Variants in TPRX1 observed in about 807,000 individuals in gnomAD.
TPRX1 encodes the protein tetrapeptide repeat homeobox 1.
A neutral mutation model predicts 8.1 loss-of-function variants in TPRX1; 2 were observed. The observed-to-expected ratio is 0.25, with a 90% CI of 0.10 to 0.78. TPRX1 has a LOEUF of 0.78. Among genes scored for constraint, TPRX1 ranks in the 30% least tolerant of loss-of-function variants. The pLI, the probability that TPRX1 is intolerant of heterozygous loss-of-function variation, is 0.70. For synonymous variants in TPRX1, 257 were observed against 254.1 expected (o/e 1.01, Z -0.11); for missense variants, 517 against 586.9 (o/e 0.88, Z 1.23).
intron 2 of TPRX1, among the ~76,000 whole-genome samples, chr19:47,815,129 T>TATGCAA (rs1555800032): frequency 8.8e-5 from 9 of 101,752 alleles, no homozygotes; most frequent in African/African-American, 3.2e-4. Flanking sequence ...TATATATATA[T>TATGCAA]ATATATATAT....
chr19:47,812,212 T>G (rs148226009), intron 2 of TPRX1, among the ~76,000 whole-genome samples: 4 of 152,258 alleles, frequency 2.6e-5, no homozygotes, highest in African/African-American at 9.6e-5. Flanking sequence ...TTCAAGGGAC[T>G]GATCTAGGCA....
rs201011037 is a variant in TPRX1 at position 47,802,887 on chromosome 19, G to A, written c.415C>T (p.Arg139Cys). Reference sequence around the variant, plus strand: ...GCTGCAGGGACTAGGGGCGCAGCGCGGGCTCCTCGGCCTCTCTGCCCAGGG... The same window carrying A: ...GCTGCAGGGACTAGGGGCGCAGCGCAGGCTCCTCGGCCTCTCTGCCCAGGG... Residue 139 changes from arginine (R) to cysteine (C), a missense_variant, in exon 4 of 4, where the codon CGC becomes TGC. Transcript: ENST00000535759. 290 of 1,580,422 alleles carry A rather than the reference G, an allele frequency of 1.8e-4. 4 individuals carry two copies. In the South Asian group the frequency reaches 2.0e-3, roughly 11 times the overall value.
chr19:47,807,024 T>C (rs1470500245), intron 2 of TPRX1, among the ~76,000 whole-genome samples: 1 of 151,784 alleles, frequency 6.6e-6, no homozygotes, highest in African/African-American at 2.4e-5. Context: ...CCTGCCTCAG[T>C]CGCCCAAGTA....
chr19:47,809,973 G>A (rs893923650), intron 2 of TPRX1, among the ~76,000 whole-genome samples: 21 of 152,088 alleles, frequency 1.4e-4, no homozygotes, highest in African/African-American at 4.8e-4. Context: ...ATCCATTCTT[G>A]GCCAGACGCA....
exon 4 of TPRX1, chr19:47,801,502 T>C: frequency 2.7e-6 from 1 of 365,994 alleles, no homozygotes; most frequent in Non-Finnish European, 4.9e-6. Flanking sequence ...GGAAAAGCCC[T>C]TTAGAAAGCT....
At chr19:47,806,045 C>T (rs1329089505) in intron 2 of TPRX1, among the ~76,000 whole-genome samples, 4 of 149,104 alleles carry the variant, frequency 2.7e-5, no homozygotes, top group Non-Finnish European at 5.9e-5. Context: ...GCCAACATGG[C>T]GAAACCCTGT....
At position 47,802,576 on chromosome 19, in the gene TPRX1, G is replaced by A. The variant is rs2123710885; in HGVS notation, c.726C>T (p.Ile242=). Residue 242 remains isoleucine, a synonymous_variant, in exon 4 of 4, where the codon ATC becomes ATT. Coordinates refer to ENST00000535759, the Ensembl canonical transcript of TPRX1. ...GGATTGGGCCACGGAATGGGCCTGG[G>A]ATCTGGACTGGGCCTGAAATTGGGC... 4 of 1,550,982 alleles carry A rather than the reference G, an allele frequency of 2.6e-6. No individual in the cohort carries two copies. In the South Asian group the frequency reaches 4.8e-5, roughly 18 times the overall value.
intron 2 of TPRX1, among the ~76,000 whole-genome samples, chr19:47,815,162 A>ATATGCAAATATATATATATATT (rs1360730858): frequency 4.0e-5 from 3 of 74,714 alleles, no homozygotes; most frequent in African/African-American, 1.0e-4. Context: ...ATATATATAT[A>ATATGCAAATATATATATATATT]TTTTTTTTTT....
Position 47,815,315 on chromosome 19 carries a change from C to T in TPRX1, c.151+3153G>A, listed in dbSNP as rs1380362592. Among the ~76,000 whole-genome samples, 15 of 146,130 alleles carry T rather than the reference C, an allele frequency of 1.0e-4. No homozygotes were observed. The East Asian group carries it at 2.7e-3, about 26-fold the overall frequency. On this transcript the variant is annotated intron_variant, in intron 2 of 3. Coordinates refer to ENST00000535759, the Ensembl canonical transcript of TPRX1. ...GATTACAGGCGTGCAACACCATGCC[C>T]GGCTAAGTTTTGTAGTTTTAGTAGA...
intron 3 of TPRX1, 42 bp from the exon 3 acceptor site, chr19:47,803,022 C>T (rs753324626): frequency 6.6e-7 from 1 of 1,509,824 alleles, no homozygotes; most frequent in Non-Finnish European, 8.8e-7. Context: ...GAAGGAGGGG[C>T]TCGCGCGGCC....
chr19:47,809,062 C>CA (rs1373593694), intron 2 of TPRX1, among the ~76,000 whole-genome samples: 3 of 152,056 alleles, frequency 2.0e-5, no homozygotes, highest in Non-Finnish European at 4.4e-5. Flanking sequence ...GTCTTGAACA[C>CA]AGAGACTTTG....
At chr19:47,817,240 G>A (rs1330566078) in intron 2 of TPRX1, among the ~76,000 whole-genome samples, 1 of 152,122 alleles carries the variant, frequency 6.6e-6, no homozygotes, top group Non-Finnish European at 1.5e-5. Flanking sequence ...CTCACACACT[G>A]CATGAACCAC....
chr19:47,802,381 TGGGCCTGGGATC>T (rs781226540), exon 4 of TPRX1: 209,880 of 1,381,982 alleles, frequency 0.15, 15,729 homozygotes, highest in Non-Finnish European at 0.17. Flanking sequence ...GGCCTGAGAT[TGGGCCTGGGATC>T]GGGCCTGGGA....
exon 4 of TPRX1, chr19:47,802,858 A>C: frequency 6.2e-7 from 1 of 1,600,426 alleles, no homozygotes; most frequent in Non-Finnish European, 8.5e-7. Context: ...GTGCGGAGGC[A>C]GAGGCTGCAG....
chr19:47,815,125 T>TATATATATATATGCAA lies in TPRX1; in HGVS notation c.151+3342_151+3343insTTGCATATATATATAT, dbSNP rs1555800014. Among the ~76,000 whole-genome samples the TATATATATATATGCAA allele has an allele frequency of 1.3e-3, 125 of 97,412 alleles. 1 individual carries two copies. The highest frequency in any genetic ancestry group is 6.6e-3 in the Middle Eastern group (1 of 152). 63.9% of individuals were successfully genotyped at this position (97,412 alleles called of 152,430 possible). The stretch of plus-strand genomic sequence containing the variant: ...AATAAATAGATAAATTATATATATA[T>TATATATATATATGCAA]ATATATATATATATATATGCAAATA... On this transcript the variant is annotated intron_variant, in intron 2 of 3. Transcript: ENST00000535759.
intron 2 of TPRX1, among the ~76,000 whole-genome samples, chr19:47,816,784 G>A (rs138659510): frequency 0.022 from 3,332 of 151,990 alleles, 71 homozygotes; most frequent in Middle Eastern, 0.065. Context: ...TGCCCGCCTT[G>A]GCCTCCCAAA....
rs573675794 is a variant in TPRX1, at chr19:47,812,109, G to T, written c.151+6359C>A. Among the ~76,000 whole-genome samples, 366 of 151,892 alleles carry T rather than the reference G, an allele frequency of 2.4e-3. 2 individuals carry two copies. The highest frequency in any genetic ancestry group is 8.6e-3 in the African/African-American group (357 of 41,454). On this transcript the variant is annotated intron_variant, in intron 2 of 3. Coordinates refer to ENST00000535759, the Ensembl canonical transcript of TPRX1. Reference sequence around the variant, plus strand: ...TTGAACTCCTGACCTCAGGTGATCCGCCCACCTCGGCCTCCCAATGTGCTG... The same window carrying T: ...TTGAACTCCTGACCTCAGGTGATCCTCCCACCTCGGCCTCCCAATGTGCTG...
intron 2 of TPRX1, among the ~76,000 whole-genome samples, chr19:47,806,816 A>G (rs1385822872): frequency 6.6e-6 from 1 of 152,150 alleles, no homozygotes; most frequent in Non-Finnish European, 1.5e-5. Context: ...GGGAATAGCT[A>G]TGGAGATAGC....
chr19:47,802,852 G>T (rs376503531), exon 4 of TPRX1: 1 of 1,600,678 alleles, frequency 6.2e-7, no homozygotes, highest in African/African-American at 1.3e-5. Flanking sequence ...GCTGAGGTGC[G>T]GAGGCAGAGG....
Sources: gnomAD v4.1 joint callset for allele counts (sites outside exome capture counted in the v4.1 genomes callset) on GRCh38, gnomAD v4.1.1 for gene constraint, MANE v1.5 for transcripts, NCBI Gene and HGNC (gene_info 2026-07-23, HGNC 2026-07-21) for gene names.